Variants in DISP1 observed in about 807,000 individuals in gnomAD.
The protein encoded by DISP1 is protein dispatched homolog 1.
In DISP1, 30 loss-of-function variants were observed where a neutral mutation model predicts 37.3. The ratio of observed to expected loss-of-function variants is 0.80; its 90% CI spans 0.60 to 1.09. The LOEUF is 1.09. Among genes scored for constraint, DISP1 ranks in the 50% least tolerant of loss-of-function variants. The pLI, the probability that DISP1 is intolerant of heterozygous loss-of-function variation, is 0.00. For synonymous variants in DISP1, 634 were observed against 690.2 expected (o/e 0.92, Z 1.28); for missense variants, 1,598 against 1,879.5 (o/e 0.85, Z 2.77).
intron 1 of DISP1, among the ~76,000 whole-genome samples, chr1:222,881,996 A>G (rs564081231): frequency 6.6e-6 from 1 of 152,344 alleles, no homozygotes; most frequent in South Asian, 2.1e-4. Flanking sequence ...GACTGGACCA[A>G]CAAAAGGGAA....
intron 3 of DISP1, among the ~76,000 whole-genome samples, chr1:222,944,339 T>A (rs1386975569): frequency 6.6e-6 from 1 of 152,184 alleles, no homozygotes; most frequent in Non-Finnish European, 1.5e-5. Flanking sequence ...AGCTATTTTT[T>A]CCATGGGTAA....
At chr1:222,954,626 G>A (rs557122993) in intron 3 of DISP1, among the ~76,000 whole-genome samples, 1 of 152,190 alleles carries the variant, frequency 6.6e-6, no homozygotes, top group African/African-American at 2.4e-5. Context: ...CCAAAATCAG[G>A]GTTTAGAGGG....
chr1:222,980,181 T>G (rs556235216), intron 3 of DISP1, among the ~76,000 whole-genome samples: 4 of 152,218 alleles, frequency 2.6e-5, no homozygotes, highest in Non-Finnish European at 5.9e-5. Flanking sequence ...AAGAACAGAT[T>G]AACATTTATG....
intron 2 of DISP1, among the ~76,000 whole-genome samples, chr1:222,940,873 T>C (rs1166134295): frequency 1.3e-5 from 2 of 152,218 alleles, no homozygotes; most frequent in Non-Finnish European, 2.9e-5. Flanking sequence ...TTTCTAATTC[T>C]GGGAAATAAT....
chr1:222,937,839 G>A (rs1674081675), intron 2 of DISP1, among the ~76,000 whole-genome samples: 1 of 137,342 alleles, frequency 7.3e-6, no homozygotes, highest in South Asian at 2.2e-4. Context: ...GTGTTTTATG[G>A]CCCTGGGAGA....
intron 1 of DISP1, among the ~76,000 whole-genome samples, chr1:222,908,230 A>T (rs547092504): frequency 6.7e-4 from 102 of 152,288 alleles, no homozygotes; most frequent in African/African-American, 2.2e-3. Context: ...CTTAGAAGAT[A>T]AAGTTATCAA....
chr1:222,861,061 T>A (rs193120939), intron 1 of DISP1, among the ~76,000 whole-genome samples: 33 of 152,318 alleles, frequency 2.2e-4, no homozygotes, highest in Admixed American at 3.9e-4. Context: ...GCCATACTTA[T>A]CAATGAACCA....
intron 1 of DISP1, among the ~76,000 whole-genome samples, chr1:222,864,379 A>T (rs1208499536): frequency 1.3e-5 from 2 of 152,214 alleles, no homozygotes; most frequent in Non-Finnish European, 2.9e-5. Context: ...ATTAGGTATT[A>T]ATAGATGCTA....
At chr1:222,950,534 A>C (rs1675138232) in intron 3 of DISP1, among the ~76,000 whole-genome samples, 1 of 151,944 alleles carries the variant, frequency 6.6e-6, no homozygotes, top group South Asian at 2.1e-4. Flanking sequence ...CGGGAGGCAG[A>C]GCTTGCAGTG....
chr1:223,003,127 T>C lies in DISP1; in HGVS notation c.1730T>C (p.Leu577Pro), dbSNP rs1401236904. 3 of 1,614,136 alleles carry C rather than the reference T, an allele frequency of 1.9e-6. No individual in the cohort carries two copies. Among genetic ancestry groups the C allele is most frequent in the African/African-American group, 2.7e-5 (2 of 74,948 alleles). The change falls in exon 9 of 9, where the codon CTG (leucine) becomes CCG (proline). Residue 577 changes from leucine to proline, a missense_variant. Leu to Pro is a moderately conservative substitution (Grantham distance 98). Transcript: ENST00000675850. The surrounding 1 kb of genome is among the most constrained non-coding windows in gnomAD (Gnocchi z 4.3). Reference protein sequence around the residue: ...VGIGADDAFVLCDVWNYTKFD... With the variant: ...VGIGADDAFVPCDVWNYTKFD... ...ATTGGAGCAGATGATGCTTTTGTCC[T>C]GTGTGATGTTTGGAACTACACAAAA...
At position 222,917,996 on chromosome 1, in the gene DISP1, C is replaced by T. The variant is rs540922143; in HGVS notation, c.-158-10434C>T. Among the ~76,000 whole-genome samples, 10 of 152,284 alleles carry T rather than the reference C, an allele frequency of 6.6e-5. No individual in the cohort carries two copies. The South Asian group carries it at 2.1e-3, about 32-fold the overall frequency. The stretch of plus-strand genomic sequence containing the variant: ...CAGAAGGGATCTTATAACACGGTTC[C>T]CCTCTCAACAGAAAAAATGCCAGGA... On this transcript the variant is annotated intron_variant, in intron 1 of 8. Coordinates refer to ENST00000675850, the MANE Select transcript of DISP1 (RefSeq NM_001377229.1).
chr1:222,946,965 A>T (rs1477354408), intron 3 of DISP1, among the ~76,000 whole-genome samples: 1 of 152,330 alleles, frequency 6.6e-6, no homozygotes, highest in East Asian at 1.9e-4. Context: ...CCTGAGGCTA[A>T]TGAGGACTCA....
intron 1 of DISP1, among the ~76,000 whole-genome samples, chr1:222,867,973 G>A (rs1669291808): frequency 6.6e-6 from 1 of 152,150 alleles, no homozygotes; most frequent in Admixed American, 6.5e-5. Context: ...AGCAGTGTCA[G>A]GTTTGGAGCA....
chr1:223,005,541 G>T lies in DISP1; in HGVS notation c.4144G>T (p.Glu1382Ter), dbSNP rs780813634. 4 of 1,614,162 alleles carry T rather than the reference G, an allele frequency of 2.5e-6. No homozygotes were observed. The South Asian group carries it at 4.4e-5, about 18-fold the overall frequency. ...TNVHSLQRSIEEHLPKMAEPS... is the reference protein window; with the variant it reads ...TNVHSLQRSI ...TGTACACAGTCTTCAGAGGAGCATA[G>T]AAGAGCATCTTCCAAAGATGGCAGA... Residue 1382 changes from glutamate to a stop codon, truncating the protein, a stop_gained, in exon 9 of 9, where the codon GAA becomes TAA. Coordinates refer to ENST00000675850, the MANE Select transcript of DISP1 (RefSeq NM_001377229.1). LOFTEE classifies it low-confidence loss of function (END_TRUNC).
chr1:222,978,614 G>T (rs1465055621), intron 3 of DISP1, among the ~76,000 whole-genome samples: 1 of 152,120 alleles, frequency 6.6e-6, no homozygotes, highest in Admixed American at 6.6e-5. Context: ...GTCCTGAATG[G>T]TATTGCCTAG....
At chr1:222,873,363 T>A (rs778497857) in intron 1 of DISP1, among the ~76,000 whole-genome samples, 1 of 152,168 alleles carries the variant, frequency 6.6e-6, no homozygotes, top group Non-Finnish European at 1.5e-5. Context: ...TATCTAATGT[T>A]GATAGTGGGG....
At chr1:222,919,863 A>G (rs887838449) in intron 1 of DISP1, among the ~76,000 whole-genome samples, 1 of 152,206 alleles carries the variant, frequency 6.6e-6, no homozygotes, top group African/African-American at 2.4e-5. Context: ...AGAAAGTTTC[A>G]ATAAAATGGG....
intron 8 of DISP1, among the ~76,000 whole-genome samples, chr1:222,999,074 A>G (rs1679267741): frequency 6.6e-6 from 1 of 152,088 alleles, no homozygotes; most frequent in East Asian, 1.9e-4. Flanking sequence ...AATAGTTTTA[A>G]AAGTTAAGGT....
intron 1 of DISP1, among the ~76,000 whole-genome samples, chr1:222,820,695 AGTT>A (rs1662629548): frequency 6.6e-6 from 1 of 152,236 alleles, no homozygotes; most frequent in Non-Finnish European, 1.5e-5. Flanking sequence ...ACCTTAGGCA[AGTT>A]ACTGAACTTT....
Sources: allele counts gnomAD v4.1 joint callset (sites outside exome capture counted in the v4.1 genomes callset), GRCh38; gene constraint gnomAD v4.1.1; non-coding constraint Gnocchi (gnomAD v3.1); transcripts MANE v1.5; gene names NCBI Gene and HGNC (gene_info 2026-07-23, HGNC 2026-07-21).